Variants in LSM3 observed in about 807,000 individuals in gnomAD.
LSM3 encodes U6 snRNA-associated Sm-like protein LSm3.
A neutral mutation model predicts 15.4 loss-of-function variants in LSM3; 14 were observed. The ratio of observed to expected loss-of-function variants is 0.91; its 90% CI spans 0.60 to 1.42. The LOEUF is 1.42. Among genes scored for constraint, LSM3 ranks in the 40% most tolerant of loss-of-function variants. The pLI is 0.00. For missense variants in LSM3, 88 were observed against 127.9 expected (o/e 0.69, Z 1.50); for synonymous variants, 46 against 45.1 (o/e 1.02, Z -0.08).
rs1217021458 is a variant in LSM3 at position 14,200,768 on chromosome 3, G to A, written c.*2652G>A. 2 of 152,174 alleles carry A rather than the reference G, an allele frequency of 1.3e-5. No individual in the cohort carries two copies. The highest frequency in any genetic ancestry group is 2.9e-5 in the Non-Finnish European group (2 of 68,034). The allele number at this position is 152,174 out of a possible 1,614,324, so 9.4% of individuals were successfully genotyped here. A position where few individuals can be genotyped will look rare whatever the true frequency, so the allele number is the denominator to read the frequency against. ...CAAATTTCAAATAGTGATTTTTGAA[G>A]ATTTGCCCAAACTAGAGTACTATCC... On this transcript the variant is annotated 3_prime_UTR_variant, in exon 4 of 4. Transcript: ENST00000306024.
chr3:14,187,709 A>T (rs1252855773), intron 3 of LSM3, among the ~76,000 whole-genome samples: 3 of 152,234 alleles, frequency 2.0e-5, no homozygotes, highest in Admixed American at 2.0e-4. Flanking sequence ...TACCACCAAA[A>T]CAGTATGGGG....
In LSM3 at chr3:14,179,555, C is replaced by T. The variant is rs367716935; in HGVS notation, c.21+674C>T. On this transcript the variant is annotated intron_variant, in intron 1 of 3. Transcript: ENST00000306024. ...AGAGGACTTCTGCCCAAATAGCACT[C>T]CCGCTACTCTGGTTACCCTGCCTCA... Among the ~76,000 whole-genome samples the T allele has an allele frequency of 7.0e-4, 107 of 152,296 alleles. 1 individual carries two copies. In the South Asian group the frequency reaches 0.02, roughly 29 times the overall value.
rs530250644 is a variant in LSM3, at chr3:14,190,698, G to A, written c.228+6666G>A. Among the ~76,000 whole-genome samples, 4 of 152,290 alleles carry A rather than the reference G, an allele frequency of 2.6e-5. No homozygotes were observed. In the South Asian group the frequency reaches 6.2e-4, roughly 24 times the overall value. Reference sequence around the variant, plus strand: ...GCTTAAGGAGGTTTTGGGCTGAGACGATGGGGTTTTCTAAATATACAATCA... The same window carrying A: ...GCTTAAGGAGGTTTTGGGCTGAGACAATGGGGTTTTCTAAATATACAATCA... On this transcript the variant is annotated intron_variant, in intron 3 of 3. Transcript: ENST00000306024.
chr3:14,182,109 CT>C (rs1697045005), intron 2 of LSM3, among the ~76,000 whole-genome samples: 1 of 152,178 alleles, frequency 6.6e-6, no homozygotes, highest in African/African-American at 2.4e-5. Flanking sequence ...AATCTCAGCA[CT>C]TTGGGAGACT....
chr3:14,191,286 T>C (rs142157625), intron 3 of LSM3, among the ~76,000 whole-genome samples: 1,547 of 152,340 alleles, frequency 0.01, 22 homozygotes, highest in African/African-American at 0.035. Flanking sequence ...ATCAGGATGA[T>C]GCTGGCCTCA....
intron 1 of LSM3, among the ~76,000 whole-genome samples, chr3:14,179,388 A>G (rs11922012): frequency 3.5e-4 from 53 of 152,326 alleles, no homozygotes; most frequent in African/African-American, 1.3e-3. Context: ...AGGAACTGTG[A>G]TGTGCTGTGA....
intron 2 of LSM3, among the ~76,000 whole-genome samples, chr3:14,183,118 A>G (rs909933962): frequency 6.6e-6 from 1 of 152,228 alleles, no homozygotes; most frequent in African/African-American, 2.4e-5. Flanking sequence ...TCTATCCTAA[A>G]TGGCCCCAAC....
At chr3:14,196,240 A>G (rs932806178) in intron 3 of LSM3, among the ~76,000 whole-genome samples, 4 of 151,928 alleles carry the variant, frequency 2.6e-5, no homozygotes, top group Non-Finnish European at 4.4e-5. Flanking sequence ...ACAGGTGTGA[A>G]CCACCGTGCC....
chr3:14,194,935 A>G (rs1363186124), intron 3 of LSM3, among the ~76,000 whole-genome samples: 1 of 152,038 alleles, frequency 6.6e-6, no homozygotes. Flanking sequence ...GATTCCTCAC[A>G]CATGGGTTGT....
chr3:14,194,774 CCT>C (rs1491391186), intron 3 of LSM3, among the ~76,000 whole-genome samples: 10 of 119,314 alleles, frequency 8.4e-5, no homozygotes, highest in Non-Finnish European at 1.5e-4. Context: ...TTTATAGCAT[CCT>C]TTTTTTTTTT....
intron 3 of LSM3, among the ~76,000 whole-genome samples, chr3:14,194,240 C>T (rs1467844672): frequency 6.6e-6 from 1 of 152,126 alleles, no homozygotes; most frequent in African/African-American, 2.4e-5. Flanking sequence ...GGGTCAGGGA[C>T]CCACTTGAGG....
At position 14,199,660 on chromosome 3, in the gene LSM3, C is replaced by T. The variant is rs377084476; in HGVS notation, c.*1544C>T. On this transcript the variant is annotated 3_prime_UTR_variant, in exon 4 of 4. Transcript: ENST00000306024. ...AGAGACACCCTCCCTTCACTTGTGCCATCCCCACGCTTTGTCCTTAAGCTG... is the reference window on the plus strand; with the variant it reads ...AGAGACACCCTCCCTTCACTTGTGCTATCCCCACGCTTTGTCCTTAAGCTG... The T allele has an allele frequency of 6.6e-6, 1 of 152,244 alleles. No homozygotes were observed. The highest frequency in any genetic ancestry group is 1.5e-5 in the Non-Finnish European group (1 of 68,052). The allele number at this position is 152,244 out of a possible 1,614,324, so 9.4% of individuals were successfully genotyped here. A position where few individuals can be genotyped will look rare whatever the true frequency, so the allele number is the denominator to read the frequency against.
rs1697203243 is a variant in LSM3, at chr3:14,198,155, G to GT, written c.*40dup. The GT allele has an allele frequency of 6.9e-7, 1 of 1,440,410 alleles. No homozygotes were observed. The highest frequency in any genetic ancestry group is 9.8e-7 in the Non-Finnish European group (1 of 1,023,728). 89.2% of individuals were successfully genotyped at this position (1,440,410 alleles called of 1,614,324 possible). On this transcript the variant is annotated 3_prime_UTR_variant, in exon 4 of 4. Transcript: ENST00000306024. Reference sequence around the variant, plus strand: ...TCCTGTATGGAAAACGGGAGACTTTGTACAGTGGCCTCTCTAAAAGTACAA... The same window carrying GT: ...TCCTGTATGGAAAACGGGAGACTTTGTTACAGTGGCCTCTCTAAAAGTACAA...
intron 3 of LSM3, among the ~76,000 whole-genome samples, chr3:14,194,108 T>G (rs1003031913): frequency 9.2e-5 from 14 of 152,370 alleles, no homozygotes; most frequent in African/African-American, 3.1e-4. Context: ...CAGCAAAGAT[T>G]GCTGCCTGTT....
chr3:14,189,607 G>A (rs1697120327), intron 3 of LSM3, among the ~76,000 whole-genome samples: 1 of 152,092 alleles, frequency 6.6e-6, no homozygotes, highest in Non-Finnish European at 1.5e-5. Flanking sequence ...CTTCTTTTGA[G>A]AAGTGTCTCT....
At chr3:14,182,065 A>AT (rs1434585929) in intron 2 of LSM3, among the ~76,000 whole-genome samples, 1 of 152,126 alleles carries the variant, frequency 6.6e-6, no homozygotes, top group Non-Finnish European at 1.5e-5. Context: ...TAAAAATGGG[A>AT]TTATCTTGGC....
chr3:14,196,684 A>G (rs112018777), intron 3 of LSM3, among the ~76,000 whole-genome samples: 22 of 152,328 alleles, frequency 1.4e-4, no homozygotes, highest in African/African-American at 5.3e-4. Context: ...TGGAACTTAT[A>G]CTAAATTTAA....
chr3:14,180,341 T>C (rs925492589), intron 1 of LSM3, among the ~76,000 whole-genome samples: 3 of 152,128 alleles, frequency 2.0e-5, no homozygotes, highest in African/African-American at 7.2e-5. Context: ...CAGGCTGGAG[T>C]GCAGTGGCGT....
intron 3 of LSM3, among the ~76,000 whole-genome samples, chr3:14,188,170 CAT>C (rs1357249597): frequency 6.6e-6 from 1 of 152,206 alleles, no homozygotes; most frequent in Admixed American, 6.5e-5. Flanking sequence ...CTATGAGCCA[CAT>C]GTGGCTATTT....
Sources: allele counts gnomAD v4.1 joint callset (sites outside exome capture counted in the v4.1 genomes callset), GRCh38; gene constraint gnomAD v4.1.1; transcripts MANE v1.5; gene names NCBI Gene and HGNC (gene_info 2026-07-23, HGNC 2026-07-21).